SKAP1: variants seen among roughly 807,000 people sequenced by gnomAD.
The protein encoded by SKAP1 is src kinase associated phosphoprotein 1.
SKAP1 carries 44 observed loss-of-function variants against 58.5 expected under a neutral mutation model. The ratio of observed to expected loss-of-function variants is 0.75; its 90% CI spans 0.59 to 0.97. The LOEUF (loss-of-function observed/expected upper bound fraction) is 0.97, where lower values mean the gene tolerates loss of function less well. Ranked by LOEUF, SKAP1 falls within the 50% of genes least tolerant of loss-of-function variation. The pLI is 0.00. For synonymous variants in SKAP1, 127 were observed against 149.7 expected (o/e 0.85, Z 1.11); for missense variants, 390 against 435.2 (o/e 0.90, Z 0.92).
At chr17:48,288,447 A>G (rs2065859804) in intron 4 of SKAP1, among the ~76,000 whole-genome samples, 1 of 152,224 alleles carries the variant, frequency 6.6e-6, no homozygotes, top group Admixed American at 6.5e-5. Flanking sequence ...GCAATTTGGG[A>G]GGCCAACGTG....
intron 2 of SKAP1, among the ~76,000 whole-genome samples, chr17:48,372,765 G>C (rs12953245): frequency 0.33 from 50,764 of 151,966 alleles, 9,180 homozygotes; most frequent in African/African-American, 0.47. Context: ...CTCAGCCTCC[G>C]AAGTAGCTGG....
intron 11 of SKAP1, among the ~76,000 whole-genome samples, chr17:48,145,058 A>AC (rs1280244348): frequency 1.3e-5 from 2 of 152,142 alleles, no homozygotes; most frequent in African/African-American, 4.8e-5. Context: ...TTAAAAAAAA[A>AC]CCCACAAACC....
At chr17:48,279,139 G>A (rs559587713) in intron 4 of SKAP1, among the ~76,000 whole-genome samples, 45 of 152,206 alleles carry the variant, frequency 3.0e-4, no homozygotes, top group African/African-American at 1.1e-3. Flanking sequence ...CAAGGTGACG[G>A]TATTCTTAAG....
At chr17:48,297,107 A>G (rs1028194119) in intron 4 of SKAP1, among the ~76,000 whole-genome samples, 2 of 152,310 alleles carry the variant, frequency 1.3e-5, no homozygotes, top group Middle Eastern at 3.4e-3. Flanking sequence ...CTGACTAAAA[A>G]CATTTCACTT....
intron 4 of SKAP1, among the ~76,000 whole-genome samples, chr17:48,241,541 A>T (rs1165763966): frequency 6.6e-6 from 1 of 152,190 alleles, no homozygotes; most frequent in Non-Finnish European, 1.5e-5. Context: ...TTTGTGCCTC[A>T]GCTGACACAA....
intron 6 of SKAP1, among the ~76,000 whole-genome samples, chr17:48,187,368 T>C (rs1337067457): frequency 6.6e-6 from 1 of 152,176 alleles, no homozygotes; most frequent in African/African-American, 2.4e-5. Context: ...TCCATGGCTA[T>C]AGGAATGTCC....
At chr17:48,277,322 A>T (rs573386982) in intron 4 of SKAP1, among the ~76,000 whole-genome samples, 1 of 152,224 alleles carries the variant, frequency 6.6e-6, no homozygotes, top group Non-Finnish European at 1.5e-5. Context: ...TTTCATACCT[A>T]ATCTGTGCTT....
rs538512760 is a variant in SKAP1 at position 48,344,579 on chromosome 17, T to C, written c.280+1326A>G. On this transcript the variant is annotated intron_variant, in intron 4 of 12. Transcript: ENST00000336915. ...AATCAAAAACAAATGAAAAGTTGATTTCTTCCTGTTTTGCACTGTTAATTT... is the reference window on the plus strand; with the variant it reads ...AATCAAAAACAAATGAAAAGTTGATCTCTTCCTGTTTTGCACTGTTAATTT... Among the ~76,000 whole-genome samples the C allele has an allele frequency of 1.9e-3, 297 of 152,336 alleles. 2 individuals carry two copies. The highest frequency in any genetic ancestry group is 6.9e-3 in the African/African-American group (286 of 41,568).
intron 1 of SKAP1, among the ~76,000 whole-genome samples, chr17:48,407,250 A>C (rs2144569361): frequency 6.6e-6 from 1 of 152,354 alleles, no homozygotes; most frequent in South Asian, 2.1e-4. Flanking sequence ...GAAAGAACAT[A>C]AGTAAATGCA....
chr17:48,195,805 C>T (rs1002840580), intron 4 of SKAP1, among the ~76,000 whole-genome samples: 4 of 152,026 alleles, frequency 2.6e-5, no homozygotes, highest in African/African-American at 7.3e-5. Context: ...ACTCATGTTG[C>T]CCTTCTAATT....
chr17:48,152,806 C>G (rs1448572540), intron 11 of SKAP1, among the ~76,000 whole-genome samples: 3 of 152,228 alleles, frequency 2.0e-5, no homozygotes, highest in East Asian at 1.9e-4. Context: ...ATTATTACCT[C>G]TGTCAAAAGA....
At chr17:48,443,491 TTTGA>T in the SKAP1 span, among the ~76,000 whole-genome samples, 3 of 146,532 alleles carry the variant, frequency 2.0e-5, no homozygotes, top group East Asian at 2.0e-4. Flanking sequence ...TGTTTGTTTG[TTTGA>T]GACAGAGTCT....
chr17:48,373,549 A>G (rs1240306613), intron 2 of SKAP1, among the ~76,000 whole-genome samples: 1 of 152,230 alleles, frequency 6.6e-6, no homozygotes, highest in Non-Finnish European at 1.5e-5. Flanking sequence ...GAGAAGATAC[A>G]GTTGTTTTGT....
intron 2 of SKAP1, among the ~76,000 whole-genome samples, chr17:48,369,145 C>CT (rs2067050312): frequency 1.0e-5 from 1 of 98,950 alleles, no homozygotes; most frequent in South Asian, 2.6e-4. Context: ...GACTCCATCT[C>CT]AAAATAAATA....
intron 1 of SKAP1, 56 bp downstream of exon 1, chr17:48,430,019 G>C (rs936646479): frequency 8.1e-7 from 1 of 1,240,484 alleles, no homozygotes; most frequent in Non-Finnish European, 1.0e-6. Flanking sequence ...GGGAGGCCTG[G>C]TGTCCCCTTT....
chr17:48,273,327 TC>T (rs2065657561), intron 4 of SKAP1, among the ~76,000 whole-genome samples: 1 of 152,218 alleles, frequency 6.6e-6, no homozygotes, highest in Non-Finnish European at 1.5e-5. Flanking sequence ...TTTATAATTT[TC>T]AACCTCCACT....
chr17:48,431,069 T>A (rs2067911608), upstream of SKAP1, among the ~76,000 whole-genome samples: 1 of 151,706 alleles, frequency 6.6e-6, no homozygotes. Flanking sequence ...AATAAAGAGG[T>A]TTTTTAAGTA....
intron 9 of SKAP1, among the ~76,000 whole-genome samples, chr17:48,173,893 C>T (rs1486172554): frequency 6.6e-6 from 1 of 152,222 alleles, no homozygotes; most frequent in Non-Finnish European, 1.5e-5. Flanking sequence ...ACTGACGAGA[C>T]ATAACCTCAT....
At chr17:48,432,180 C>T (rs755593917), upstream of SKAP1, among the ~76,000 whole-genome samples, 2 of 152,218 alleles carry the variant, frequency 1.3e-5, no homozygotes, top group Non-Finnish European at 2.9e-5. Flanking sequence ...CCTATAATCC[C>T]AGCACTTTGG....
Sources: allele counts gnomAD v4.1 joint callset (sites outside exome capture counted in the v4.1 genomes callset), GRCh38; gene constraint gnomAD v4.1.1; transcripts MANE v1.5; gene names NCBI Gene and HGNC (gene_info 2026-07-23, HGNC 2026-07-21).